Variants in STAB2 observed in about 807,000 individuals in gnomAD.
STAB2 encodes the protein stabilin 2, also known as stabilin-2.
A neutral mutation model predicts 338.1 loss-of-function variants in STAB2; 288 were observed. The ratio of observed to expected loss-of-function variants is 0.85; its 90% confidence interval spans 0.77 to 0.94. The LOEUF (loss-of-function observed/expected upper bound fraction) is 0.94, where lower values mean the gene tolerates loss of function less well. Among genes scored for constraint, STAB2 ranks in the 40% least tolerant of loss-of-function variants. The probability of loss-of-function intolerance (pLI) is 0.00; values close to 1 mark genes in which losing one functional copy is unlikely to be tolerated. For synonymous variants in STAB2, 1,202 were observed against 1,193.3 expected (o/e 1.01, Z -0.15); for missense variants, 3,141 against 3,210.1 (o/e 0.98, Z 0.52).
At chr12:103,629,999 T>A (rs575475153) in intron 5 of STAB2, among the ~76,000 whole-genome samples, 26 of 152,366 alleles carry the variant, frequency 1.7e-4, no homozygotes, top group Non-Finnish European at 3.2e-4. Flanking sequence ...TGAAATTTTA[T>A]CAAGGTTAGA....
chr12:103,606,858 C>A (rs1451840809), intron 3 of STAB2, among the ~76,000 whole-genome samples: 2 of 152,132 alleles, frequency 1.3e-5, no homozygotes, highest in African/African-American at 4.8e-5. Flanking sequence ...GTGGCACACA[C>A]CTGTAGTCCC....
chr12:103,715,711 C>A, intron 42 of STAB2, 104 bp from the exon 43 acceptor site: 2 of 1,294,542 alleles, frequency 1.5e-6, no homozygotes, highest in Non-Finnish European at 2.2e-6. Flanking sequence ...GCTTTGACAC[C>A]CGCTCCCTTC....
At chr12:103,638,651 T>C (rs1957591733) in intron 8 of STAB2, among the ~76,000 whole-genome samples, 2 of 152,176 alleles carry the variant, frequency 1.3e-5, no homozygotes, top group Admixed American at 6.5e-5. Flanking sequence ...GCAGCACTGA[T>C]AGATTATAGG....
chr12:103,642,627 A>T lies in STAB2; in HGVS notation c.1040+2371A>T, dbSNP rs542036718. ...ATGTGTTTCCAGCAGTTTGACCCTT[A>T]GACCTGGGCAACAGGAGCCCCTCCC... On this transcript the variant is annotated intron_variant, in intron 9 of 68. Coordinates refer to ENST00000388887, the MANE Select transcript of STAB2 (RefSeq NM_017564.10). Among the ~76,000 whole-genome samples the T allele has an allele frequency of 1.5e-3, 230 of 152,344 alleles. 1 individual carries two copies. The highest frequency in any genetic ancestry group is 0.01 in the Middle Eastern group (3 of 294).
chr12:103,727,413 G>A (rs1462698518), intron 47 of STAB2, 63 bp downstream of exon 47: 38 of 1,564,352 alleles, frequency 2.4e-5, no homozygotes, highest in South Asian at 1.0e-4. Context: ...CTTGGGCCTC[G>A]CCCTGGAACC....
At chr12:103,698,159 T>G (rs1878561759) in intron 33 of STAB2, among the ~76,000 whole-genome samples, 1 of 152,092 alleles carries the variant, frequency 6.6e-6, no homozygotes, top group Non-Finnish European at 1.5e-5. Flanking sequence ...GTCTAGAGCT[T>G]CTCATTGGCA....
At chr12:103,746,532 TCCTTAGA>T in intron 57 of STAB2, 58 bp from the exon 58 acceptor site, 1 of 1,500,194 alleles carries the variant, frequency 6.7e-7, no homozygotes, top group Non-Finnish European at 9.3e-7. Context: ...TTGGAAAGTC[TCCTTAGA>T]TGGGTTTTAA....
In STAB2 at chr12:103,717,838, A is replaced by G. The variant is rs780882075; in HGVS notation, c.4680A>G (p.Leu1560=). The change falls in exon 44 of 69, where the codon TTA becomes TTG. Residue 1560 remains leucine, a synonymous_variant. Coordinates refer to ENST00000388887, the MANE Select transcript of STAB2 (RefSeq NM_017564.10). ...TCTGCACACTCATCAATGTCTGCTT[A>G]ACTGTGAGTATGGCTCTAGGGTGGA... ...GKVCTLINVC[L]TKNGGCSEFA... 1.2e-6 allele frequency: 2 copies of G among 1,613,980 alleles called. No homozygotes were observed. Among genetic ancestry groups the G allele is most frequent in the Non-Finnish European group, 1.7e-6 (2 of 1,179,976 alleles).
chr12:103,708,378 T>C, intron 38 of STAB2, 63 bp from the exon 39 acceptor site: 1 of 1,533,656 alleles, frequency 6.5e-7, no homozygotes, highest in South Asian at 1.1e-5. Flanking sequence ...ACCTAGTAAA[T>C]GACAAATGAG....
intron 23 of STAB2, 98 bp downstream of exon 23, chr12:103,674,185 C>G (rs1876114546): frequency 7.3e-7 from 1 of 1,361,608 alleles, no homozygotes; most frequent in African/African-American, 1.4e-5. Context: ...GGAGCCAACC[C>G]ATATCTGAAC....
intron 53 of STAB2, 73 bp from the exon 54 acceptor site, chr12:103,739,339 G>A (rs1198411859): frequency 1.5e-6 from 2 of 1,378,124 alleles, no homozygotes; most frequent in Admixed American, 2.2e-5. Flanking sequence ...ATCCATCCAG[G>A]TATTAATCAG....
intron 3 of STAB2, among the ~76,000 whole-genome samples, chr12:103,619,935 C>G (rs1309726132): frequency 1.3e-5 from 2 of 152,112 alleles, no homozygotes; most frequent in East Asian, 3.8e-4. Context: ...CTTCAAAAGC[C>G]CCATTTAAAT....
chr12:103,714,273 C>G (rs570592773), intron 42 of STAB2, among the ~76,000 whole-genome samples: 1 of 152,304 alleles, frequency 6.6e-6, no homozygotes, highest in African/African-American at 2.4e-5. Flanking sequence ...TATCCACACA[C>G]TGTTCTACTA....
chr12:103,629,709 C>A (rs1470258770), intron 5 of STAB2, among the ~76,000 whole-genome samples: 1 of 152,228 alleles, frequency 6.6e-6, no homozygotes, highest in Non-Finnish European at 1.5e-5. Flanking sequence ...CCTGGGCCAA[C>A]CCCACTTTAT....
chr12:103,700,146 A>T (rs979360438), intron 34 of STAB2, among the ~76,000 whole-genome samples: 1 of 152,270 alleles, frequency 6.6e-6, no homozygotes, highest in Non-Finnish European at 1.5e-5. Flanking sequence ...ATTCATAGAA[A>T]AGAATTCATG....
At chr12:103,660,655 T>C in intron 16 of STAB2, 28 bp from the exon 17 acceptor site, 1 of 1,613,200 alleles carries the variant, frequency 6.2e-7, no homozygotes, top group South Asian at 1.1e-5. Context: ...CCCAAATATC[T>C]CTGCCTTTTG....
At chr12:103,588,708 C>T (rs1956751109) in intron 1 of STAB2, among the ~76,000 whole-genome samples, 1 of 151,974 alleles carries the variant, frequency 6.6e-6, no homozygotes, top group African/African-American at 2.4e-5. Flanking sequence ...AAATCTAGCC[C>T]ACAAAGAAAG....
At chr12:103,737,836 C>A (rs2139109081) in intron 53 of STAB2, 56 bp downstream of exon 53, 10 of 1,606,728 alleles carry the variant, frequency 6.2e-6, no homozygotes, top group East Asian at 4.5e-5. Context: ...GAATGGCCCT[C>A]ATGATCCAGT....
In STAB2 at chr12:103,637,018, A is replaced by G. The variant is rs181342454; in HGVS notation, c.584-93A>G. 2.1e-3 allele frequency: 2,819 copies of G among 1,360,710 alleles called. 5 individuals are homozygous for G. Among genetic ancestry groups the G allele is most frequent in the Non-Finnish European group, 2.6e-3 (2,654 of 1,024,440 alleles). 84.3% of individuals were successfully genotyped at this position (1,360,710 alleles called of 1,614,324 possible). A position where few individuals can be genotyped will look rare whatever the true frequency, so the allele number is the denominator to read the frequency against. On this transcript the variant is annotated intron_variant, in intron 6 of 68. Transcript: ENST00000388887. ...TTTTAAATTATTACAATGAGTTTGT[A>G]TTGCTTTTTAATAAAAGGGAATACT...
Sources: gnomAD v4.1 joint callset for allele counts (sites outside exome capture counted in the v4.1 genomes callset) on GRCh38, gnomAD v4.1.1 for gene constraint, MANE v1.5 for transcripts, NCBI Gene and HGNC (gene_info 2026-07-23, HGNC 2026-07-21) for gene names.